The following TRIM71 variants were observed in gnomAD, a reference collection of about 807,000 sequenced individuals.
The protein encoded by TRIM71 is tripartite motif containing 71.
In TRIM71, 9 loss-of-function variants were observed where a neutral mutation model predicts 61.2. The observed-to-expected ratio is 0.15, with a 90% CI of 0.09 to 0.26. The LOEUF (loss-of-function observed/expected upper bound fraction) is 0.26. TRIM71 is among the 10% of genes least tolerant of loss of function. TRIM71 has a pLI of 1.00. For synonymous variants in TRIM71, 645 were observed against 553.2 expected (o/e 1.17, Z -2.33); for missense variants, 998 against 1,238.7 (o/e 0.81, Z 2.92).
chr3:32,867,947 CTTT>C (rs918923394), intron 1 of TRIM71, among the ~76,000 whole-genome samples: 1 of 151,968 alleles, frequency 6.6e-6, no homozygotes, highest in South Asian at 2.1e-4. Context: ...CCTAACACCC[CTTT>C]TTTTATTGCC....
At chr3:32,856,358 G>GC (rs894563413) in intron 1 of TRIM71, among the ~76,000 whole-genome samples, 9 of 150,896 alleles carry the variant, frequency 6.0e-5, no homozygotes, top group African/African-American at 1.2e-4. Context: ...CCGCTCCCCT[G>GC]CCCCCCCATC....
chr3:32,857,469 G>A (rs1696618182), intron 1 of TRIM71, among the ~76,000 whole-genome samples: 1 of 152,138 alleles, frequency 6.6e-6, no homozygotes, highest in South Asian at 2.1e-4. Flanking sequence ...ATTCACCCTT[G>A]AACAATGTGG....
chr3:32,848,630 A>G (rs536165543), intron 1 of TRIM71, among the ~76,000 whole-genome samples: 1 of 152,226 alleles, frequency 6.6e-6, no homozygotes, highest in African/African-American at 2.4e-5. Context: ...TTTGTCTATG[A>G]TTAGGGTCCT....
At chr3:32,874,104 A>G (rs1696827706) in intron 2 of TRIM71, 119 bp downstream of exon 2, 4 of 1,053,458 alleles carry the variant, frequency 3.8e-6, no homozygotes, top group Middle Eastern at 3.1e-4. Context: ...GACCCAAATG[A>G]GCTCAGGTGA....
At chr3:32,865,425 C>T (rs1696721780) in intron 1 of TRIM71, among the ~76,000 whole-genome samples, 1 of 152,138 alleles carries the variant, frequency 6.6e-6, no homozygotes, top group African/African-American at 2.4e-5. Context: ...ACACGAGTTA[C>T]ACCACCCTTT....
chr3:32,883,040 T>C (rs1292915716), intron 2 of TRIM71, among the ~76,000 whole-genome samples: 3 of 152,228 alleles, frequency 2.0e-5, no homozygotes, highest in African/African-American at 7.2e-5. Context: ...CAGTGTGCTC[T>C]TTGCCCCAGC....
Position 32,828,073 on chromosome 3 carries a change from G to C in TRIM71, c.852+9141G>C, listed in dbSNP as rs1264578194. Among the ~76,000 whole-genome samples, 3 of 152,124 alleles carry C rather than the reference G, an allele frequency of 2.0e-5. No individual in the cohort carries two copies. The East Asian group carries it at 5.8e-4, about 29-fold the overall frequency. Reference sequence around the variant, plus strand: ...CTGGTGTTTTAGAAATGAGAATTGTGAATGAGTGGCATCAGCAGCCATTAT... The same window carrying C: ...CTGGTGTTTTAGAAATGAGAATTGTCAATGAGTGGCATCAGCAGCCATTAT... On this transcript the variant is annotated intron_variant, in intron 1 of 3. Coordinates refer to ENST00000383763, the MANE Select transcript of TRIM71 (RefSeq NM_001039111.3).
intron 1 of TRIM71, among the ~76,000 whole-genome samples, chr3:32,869,569 A>G (rs1696774660): frequency 6.6e-6 from 1 of 152,248 alleles, no homozygotes; most frequent in Admixed American, 6.5e-5. Context: ...ATGCGTGCAC[A>G]CACGTTCATT....
In TRIM71 at chr3:32,818,330, G is replaced by C; in HGVS notation, c.250G>C (p.Gly84Arg). 6.9e-7 allele frequency: 1 copy of C among 1,445,456 alleles called. No homozygotes were observed. The highest frequency in any genetic ancestry group is 9.1e-7 in the Non-Finnish European group (1 of 1,103,834). The allele number at this position is 1,445,456 out of a possible 1,614,324, so 89.5% of individuals were successfully genotyped here. A position where few individuals can be genotyped will look rare whatever the true frequency, so the allele number is the denominator to read the frequency against. The change falls in exon 1 of 4, where the codon GGA becomes CGA. Residue 84 changes from glycine (G) to arginine (R), a missense_variant. Gly to Arg is a moderately radical substitution (Grantham distance 125, BLOSUM62 -2). Transcript: ENST00000383763. ...GCCGGCGGCGGGCGGCGGCGCGGCGGGAGAGCCGCTCAAGCTGCGCTGCCC... is the reference window on the plus strand; with the variant it reads ...GCCGGCGGCGGGCGGCGGCGCGGCGCGAGAGCCGCTCAAGCTGCGCTGCCC... ...RLPAAGGGAA[G>R]EPLKLRCPVC... is the part of the protein sequence containing the mutation.
chr3:32,873,931 G>A lies in TRIM71; in HGVS notation c.966G>A (p.Arg322=). 1 of 1,613,774 alleles carries A rather than the reference G, an allele frequency of 6.2e-7. No homozygotes were observed. The highest frequency in any genetic ancestry group is 8.5e-7 in the Non-Finnish European group (1 of 1,179,862). The change falls in exon 2 of 4, where the codon CGG becomes CGA. Residue 322 remains arginine (R), a synonymous_variant. Transcript: ENST00000383763. The stretch of plus-strand genomic sequence containing the variant: ...TCCAGGAGGCACTGCAGGACTCACG[G>A]GCACTCACCATCCAGCTGCTGGCAG... ...IYLQEALQDS[R]ALTIQLLADA... is the part of the protein sequence containing the mutation.
intron 2 of TRIM71, among the ~76,000 whole-genome samples, chr3:32,874,733 A>G (rs1358420289): frequency 6.6e-6 from 1 of 151,974 alleles, no homozygotes; most frequent in Non-Finnish European, 1.5e-5. Context: ...CACATTGGCC[A>G]GGCTGGTTTT....
intron 1 of TRIM71, among the ~76,000 whole-genome samples, chr3:32,860,907 G>C (rs78737647): frequency 6.6e-6 from 1 of 152,148 alleles, no homozygotes; most frequent in South Asian, 2.1e-4. Flanking sequence ...GGGCGCGGTG[G>C]CTCATGCCTG....
chr3:32,897,568 A>G lies in TRIM71; in HGVS notation c.*5757A>G, dbSNP rs1219515081. On this transcript the variant is annotated 3_prime_UTR_variant, in exon 4 of 4. Coordinates refer to ENST00000383763, the MANE Select transcript of TRIM71 (RefSeq NM_001039111.3). The stretch of plus-strand genomic sequence containing the variant: ...CACATTTTAAATCTTAAATGTTACT[A>G]TTGCAGGCCGCAGGCATGACAGGCA... The G allele has an allele frequency of 1.3e-5, 2 of 151,980 alleles. No homozygotes were observed. The highest frequency in any genetic ancestry group is 2.4e-5 in the African/African-American group (1 of 41,370). 9.4% of individuals were successfully genotyped at this position (151,980 alleles called of 1,614,324 possible).
chr3:32,872,797 G>A (rs1021839691), intron 1 of TRIM71, among the ~76,000 whole-genome samples: 1 of 152,194 alleles, frequency 6.6e-6, no homozygotes. Flanking sequence ...CTCACCTGGA[G>A]ATGAAGTGTG....
chr3:32,830,143 G>C (rs1312572523), intron 1 of TRIM71, among the ~76,000 whole-genome samples: 1 of 151,834 alleles, frequency 6.6e-6, no homozygotes, highest in East Asian at 1.9e-4. Context: ...GGCTGGTCTT[G>C]AACTCCTGAC....
intron 1 of TRIM71, among the ~76,000 whole-genome samples, chr3:32,823,711 G>A (rs1362870025): frequency 6.6e-6 from 1 of 151,854 alleles, no homozygotes; most frequent in East Asian, 1.9e-4. Flanking sequence ...CGAGGGTGCA[G>A]TGAGCCGAGA....
At chr3:32,825,978 G>A (rs1176091613) in intron 1 of TRIM71, among the ~76,000 whole-genome samples, 1 of 152,158 alleles carries the variant, frequency 6.6e-6, no homozygotes, top group Non-Finnish European at 1.5e-5. Context: ...CCTAAAAAGT[G>A]GGAGGAGTAG....
chr3:32,855,516 ACCTGTCTCT>A (rs1295331809), intron 1 of TRIM71, among the ~76,000 whole-genome samples: 1 of 151,680 alleles, frequency 6.6e-6, no homozygotes, highest in Non-Finnish European at 1.5e-5. Context: ...TATGTCTCTG[ACCTGTCTCT>A]AGCCCTCCTC....
At chr3:32,873,441 A>G (rs1421664624) in intron 1 of TRIM71, among the ~76,000 whole-genome samples, 1 of 152,204 alleles carries the variant, frequency 6.6e-6, no homozygotes, top group African/African-American at 2.4e-5. Flanking sequence ...TAGGTAACAC[A>G]GTCTTAACAA....
Sources: gnomAD v4.1 joint callset for allele counts (sites outside exome capture counted in the v4.1 genomes callset) on GRCh38, gnomAD v4.1.1 for gene constraint, MANE v1.5 for transcripts, NCBI Gene and HGNC (gene_info 2026-07-23, HGNC 2026-07-21) for gene names.